GMPS: variants seen among roughly 807,000 people sequenced by gnomAD.
The protein encoded by GMPS is guanosine monophosphate synthase.
GMPS carries 15 observed loss-of-function variants against 77.9 expected under a neutral mutation model. The ratio of observed to expected loss-of-function variants is 0.19; its 90% CI spans 0.13 to 0.30. The LOEUF (loss-of-function observed/expected upper bound fraction) is 0.30, where lower values mean the gene tolerates loss of function less well. GMPS is among the 10% of genes least tolerant of loss of function. GMPS has a pLI of 1.00. For synonymous variants in GMPS, 224 were observed against 275.9 expected, an observed-to-expected ratio of 0.81 and a Z score of 1.86; for missense variants, 590 against 838.8, an observed-to-expected ratio of 0.70 and a Z score of 3.66.
chr3:155,923,522 A>C (rs1482586205), intron 11 of GMPS, among the ~76,000 whole-genome samples: 2 of 152,324 alleles, frequency 1.3e-5, no homozygotes, highest in Admixed American at 1.3e-4. Flanking sequence ...TGCCAAAGAC[A>C]GAGCAGCTGC....
intron 3 of GMPS, among the ~76,000 whole-genome samples, chr3:155,899,784 AT>A (rs1553785130): frequency 6.6e-6 from 1 of 151,318 alleles, no homozygotes; most frequent in Non-Finnish European, 1.5e-5. Flanking sequence ...AACCACTGAT[AT>A]TTTTTTATCG....
chr3:155,930,107 C>T (rs1349862268), intron 12 of GMPS, among the ~76,000 whole-genome samples: 2 of 145,678 alleles, frequency 1.4e-5, no homozygotes, highest in African/African-American at 5.0e-5. Context: ...TGACTTCAAA[C>T]TATACTACAA....
At chr3:155,890,432 A>G (rs1343316411) in intron 1 of GMPS, among the ~76,000 whole-genome samples, 3 of 152,222 alleles carry the variant, frequency 2.0e-5, no homozygotes, top group African/African-American at 7.2e-5. Flanking sequence ...ATTTTTGTTA[A>G]ATCACTAAAA....
chr3:155,887,686 C>T (rs972050596), intron 1 of GMPS, among the ~76,000 whole-genome samples: 1 of 152,036 alleles, frequency 6.6e-6, no homozygotes, highest in African/African-American at 2.4e-5. Flanking sequence ...TGTTAACTTT[C>T]TTGGATGTGA....
At chr3:155,873,108 G>C (rs1028096684) in intron 1 of GMPS, among the ~76,000 whole-genome samples, 6 of 152,188 alleles carry the variant, frequency 3.9e-5, no homozygotes, top group Non-Finnish European at 7.4e-5. Context: ...GTGTATCTTA[G>C]TTCATAAATT....
intron 12 of GMPS, among the ~76,000 whole-genome samples, chr3:155,927,587 G>A (rs1018774408): frequency 2.0e-5 from 3 of 151,940 alleles, no homozygotes; most frequent in African/African-American, 7.3e-5. Context: ...TTGAAGCTTA[G>A]ACCCTTGCAA....
Position 155,907,327 on chromosome 3 carries a change from A to G in GMPS, c.526+1064A>G, listed in dbSNP as rs150785740. ...AGGCCAGGTGCGGTGGCTCTCACCTATAATTCCAGCACCTTGGGAGACTGG... is the reference window on the plus strand; with the variant it reads ...AGGCCAGGTGCGGTGGCTCTCACCTGTAATTCCAGCACCTTGGGAGACTGG... On this transcript the variant is annotated intron_variant, in intron 5 of 15. Transcript: ENST00000496455. 7.2e-3 allele frequency among the ~76,000 whole-genome samples: 1,098 copies of G among 152,318 alleles called. 16 individuals are homozygous for G. The highest frequency in any genetic ancestry group is 0.025 in the African/African-American group (1,047 of 41,568).
chr3:155,895,736 G>GAGTGATTAGCTTTT (rs1754586935), intron 2 of GMPS, among the ~76,000 whole-genome samples: 1 of 152,236 alleles, frequency 6.6e-6, no homozygotes, highest in African/African-American at 2.4e-5. Flanking sequence ...AAGGCTCAAA[G>GAGTGATTAGCTTTT]AGTGATTAGC....
chr3:155,900,534 A>G (rs1023970165), intron 3 of GMPS, among the ~76,000 whole-genome samples: 4 of 152,130 alleles, frequency 2.6e-5, no homozygotes, highest in Non-Finnish European at 5.9e-5. Context: ...ATCTCACAAG[A>G]TATATTTTTA....
chr3:155,890,694 T>C (rs1396901289), intron 1 of GMPS, among the ~76,000 whole-genome samples: 2 of 152,202 alleles, frequency 1.3e-5, no homozygotes, highest in Non-Finnish European at 2.9e-5. Flanking sequence ...AGTATTTTCC[T>C]GGAGTCACTT....
intron 1 of GMPS, among the ~76,000 whole-genome samples, chr3:155,874,241 C>T (rs2108043263): frequency 6.6e-6 from 1 of 152,292 alleles, no homozygotes; most frequent in South Asian, 2.1e-4. Context: ...TTTCCCCTGT[C>T]TAAGGGTGAA....
chr3:155,900,105 T>C (rs960631668), intron 3 of GMPS, among the ~76,000 whole-genome samples: 4 of 152,170 alleles, frequency 2.6e-5, no homozygotes, highest in Non-Finnish European at 5.9e-5. Context: ...TGGACATAAA[T>C]GTTCAGCTTT....
At chr3:155,873,040 A>G (rs1328214355) in intron 1 of GMPS, among the ~76,000 whole-genome samples, 1 of 152,192 alleles carries the variant, frequency 6.6e-6, no homozygotes, top group Admixed American at 6.5e-5. Context: ...CCTACCACTG[A>G]ACCACCTTTC....
At chr3:155,936,824 G>C (rs1256378501) in intron 15 of GMPS, among the ~76,000 whole-genome samples, 9 of 152,178 alleles carry the variant, frequency 5.9e-5, no homozygotes, top group African/African-American at 2.2e-4. Context: ...GTGAAGAAGA[G>C]TTTGTTAGAA....
chr3:155,919,197 C>G, intron 9 of GMPS, 36 bp from the exon 10 acceptor site: 1 of 853,534 alleles, frequency 1.2e-6, no homozygotes, highest in Non-Finnish European at 1.9e-6. Context: ...ATCTTGGTTA[C>G]TAGTTTATAT....
chr3:155,874,557 A>T (rs993270192), intron 1 of GMPS, among the ~76,000 whole-genome samples: 2 of 152,130 alleles, frequency 1.3e-5, no homozygotes, highest in African/African-American at 2.4e-5. Flanking sequence ...TTCAGATTTT[A>T]TTCCGTTAGG....
chr3:155,914,430 G>A lies in GMPS; in HGVS notation c.898G>A (p.Ala300Thr), dbSNP rs1353632537. ...LGIQVKVINAAHSFYNGTTTL... is the reference protein window; with the variant it reads ...LGIQVKVINATHSFYNGTTTL... ...CCCCTTTCCTCCAGTGATAAATGCT[G>A]CTCATTCTTTCTACAATGGAACAAC... Residue 300 changes from alanine (A) to threonine (T), a missense_variant, in exon 8 of 16, where the codon GCT becomes ACT. Around this residue, in one of 6 missense-constraint regions of GMPS, gnomAD observed 181 missense variants for 186.8 expected, o/e 0.97. Coordinates refer to ENST00000496455, the MANE Select transcript of GMPS (RefSeq NM_003875.3). 12 of 1,567,302 alleles carry A rather than the reference G, an allele frequency of 7.7e-6. No homozygotes were observed. Among genetic ancestry groups the A allele is most frequent in the Non-Finnish European group, 1.0e-5 (12 of 1,162,786 alleles).
intron 2 of GMPS, among the ~76,000 whole-genome samples, chr3:155,897,267 T>C (rs1754626118): frequency 6.6e-6 from 1 of 152,156 alleles, no homozygotes; most frequent in African/African-American, 2.4e-5. Context: ...AGTTTTCCCT[T>C]ATTATAGTAG....
At chr3:155,919,146 C>G (rs1560049217) in intron 9 of GMPS, 87 bp from the exon 10 acceptor site, 1 of 611,166 alleles carries the variant, frequency 1.6e-6, no homozygotes, top group Non-Finnish European at 2.9e-6. Flanking sequence ...AAAGTGGTAA[C>G]AGGAAAAGCC....
Sources: gnomAD v4.1 joint callset for allele counts (sites outside exome capture counted in the v4.1 genomes callset) on GRCh38, gnomAD v4.1.1 for gene constraint, gnomAD v4.1.1 regional missense constraint, MANE v1.5 for transcripts, NCBI Gene and HGNC (gene_info 2026-07-23, HGNC 2026-07-21) for gene names.